Variants in HNMT observed in about 807,000 individuals in gnomAD.
HNMT encodes histamine N-methyltransferase.
In HNMT, 30 loss-of-function variants were observed where a neutral mutation model predicts 32.1. The ratio of observed to expected loss-of-function variants is 0.93; its 90% confidence interval spans 0.70 to 1.27. HNMT has a LOEUF of 1.27. HNMT is among the 50% of genes most tolerant of loss of function. The pLI is 0.00. For missense variants in HNMT, 327 were observed against 346.0 expected (o/e 0.95, Z 0.43); for synonymous variants, 125 against 119.0 (o/e 1.05, Z -0.33).
At position 137,980,441 on chromosome 2, in the gene HNMT, C is replaced by T. The variant is rs551836627; in HGVS notation, c.190+10224C>T. Among the ~76,000 whole-genome samples, 30 of 152,296 alleles carry T rather than the reference C, an allele frequency of 2.0e-4. No homozygotes were observed. The South Asian group carries it at 6.0e-3, about 31-fold the overall frequency. On this transcript the variant is annotated intron_variant, in intron 2 of 5. Coordinates refer to ENST00000280097, the MANE Select transcript of HNMT (RefSeq NM_006895.3). ...GCCTATAGATTCTCAGTGCCTAGCA[C>T]CGAGTATACTTCAGCTCTGAGGACA...
chr2:137,990,904 G>A (rs1680798192), intron 2 of HNMT, among the ~76,000 whole-genome samples: 1 of 151,778 alleles, frequency 6.6e-6, no homozygotes, highest in Non-Finnish European at 1.5e-5. Context: ...TGAAAATAAT[G>A]TCAGATCCCA....
At chr2:137,967,009 T>G in intron 1 of HNMT, 1 of 769,404 alleles carries the variant, frequency 1.3e-6, no homozygotes, top group Non-Finnish European at 2.4e-6. Flanking sequence ...CCCTTGGTTC[T>G]ATGTTAATCG....
chr2:138,010,434 GACACACGCACAC>G (rs1361642870), intron 5 of HNMT, among the ~76,000 whole-genome samples: 4 of 117,774 alleles, frequency 3.4e-5, no homozygotes, highest in East Asian at 2.4e-4. Flanking sequence ...CAATAAAAAA[GACACACGCACAC>G]ACACACACAC....
chr2:137,981,914 C>T (rs920299756), intron 2 of HNMT, among the ~76,000 whole-genome samples: 1 of 152,044 alleles, frequency 6.6e-6, no homozygotes, highest in African/African-American at 2.4e-5. Context: ...AGTGCAGTGC[C>T]GCGATCTAGG....
At chr2:137,970,754 A>G (rs981066231) in intron 2 of HNMT, among the ~76,000 whole-genome samples, 3 of 151,920 alleles carry the variant, frequency 2.0e-5, no homozygotes, top group African/African-American at 7.2e-5. Context: ...CCCTGTCTCT[A>G]TTAAAAATAC....
chr2:138,002,481 T>C (rs779561964), intron 4 of HNMT: 8 of 519,340 alleles, frequency 1.5e-5, no homozygotes, highest in Non-Finnish European at 2.0e-5. Context: ...GGAGTCTCGC[T>C]GTGTCATCCA....
chr2:137,988,829 T>C (rs12373834), intron 2 of HNMT: 76,352 of 152,126 alleles, frequency 0.5, 21,042 homozygotes, highest in East Asian at 0.63. Context: ...GAGCCGAGAT[T>C]GCACCACTGC....
At chr2:138,006,871 T>TA (rs3838491) in intron 5 of HNMT, among the ~76,000 whole-genome samples, 4 of 151,686 alleles carry the variant, frequency 2.6e-5, no homozygotes, top group Admixed American at 6.6e-5. Context: ...GCATTCATCA[T>TA]AAAAAAAATC....
chr2:138,003,253 A>G (rs1439328329), intron 4 of HNMT, among the ~76,000 whole-genome samples: 1 of 152,070 alleles, frequency 6.6e-6, no homozygotes, highest in African/African-American at 2.4e-5. Flanking sequence ...TAATAAAAGA[A>G]AGGGAGTGAC....
intron 2 of HNMT, among the ~76,000 whole-genome samples, chr2:137,970,931 AAAAAAGAAAGAAAGAAAG>A (rs1558950968): frequency 2.8e-5 from 2 of 70,792 alleles, no homozygotes; most frequent in African/African-American, 4.3e-5. Flanking sequence ...AAAAAAAAAA[AAAAAAGAAAGAAAGAAAG>A]AAAGAAAGAA....
chr2:138,010,760 A>G (rs1681478597), intron 5 of HNMT, among the ~76,000 whole-genome samples: 1 of 152,082 alleles, frequency 6.6e-6, no homozygotes, highest in Admixed American at 6.6e-5. Flanking sequence ...GGGATAAAAA[A>G]GAAGAGATAT....
At chr2:137,977,129 G>A (rs1436864720) in intron 2 of HNMT, among the ~76,000 whole-genome samples, 2 of 152,084 alleles carry the variant, frequency 1.3e-5, no homozygotes, top group African/African-American at 4.8e-5. Flanking sequence ...GCTTAAACAG[G>A]TAAAATAGAA....
rs1681151498 is a variant in HNMT at position 138,000,976 on chromosome 2, C to T, written c.249C>T (p.Ile83=). 6.2e-7 allele frequency: 1 copy of T among 1,609,330 alleles called. No homozygotes were observed. The highest frequency in any genetic ancestry group is 1.7e-5 in the Admixed American group (1 of 59,272). The part of the protein sequence containing the change: ...KVQAQYPGVC[I]NNEVVEPSAE... ...AGGCTCAATACCCAGGAGTTTGTATCAACAATGAAGTTGTTGAGCCAAGTG... is the reference window on the plus strand; with the variant it reads ...AGGCTCAATACCCAGGAGTTTGTATTAACAATGAAGTTGTTGAGCCAAGTG... The change falls in exon 3 of 6, where the codon ATC becomes ATT. Residue 83 remains isoleucine, a synonymous_variant. Transcript: ENST00000280097.
At position 138,014,873 on chromosome 2, in the gene HNMT, A is replaced by T. The variant is rs1201308472; in HGVS notation, c.*743A>T. ...ATAATATTATAGTTTTGCTTTTTTTAAAAAATGAAATCTTTACTATGTTTG... is the reference window on the plus strand; with the variant it reads ...ATAATATTATAGTTTTGCTTTTTTTTAAAAATGAAATCTTTACTATGTTTG... On this transcript the variant is annotated 3_prime_UTR_variant, in exon 6 of 6. Coordinates refer to ENST00000280097, the MANE Select transcript of HNMT (RefSeq NM_006895.3). The T allele has an allele frequency of 1.3e-5, 2 of 151,968 alleles. No individual in the cohort carries two copies. Among genetic ancestry groups the T allele is most frequent in the African/African-American group, 2.4e-5 (1 of 41,432 alleles). The allele number at this position is 151,968 out of a possible 1,614,324, so 9.4% of individuals were successfully genotyped here.
chr2:137,981,226 T>G, intron 2 of HNMT: 1 of 1,613,598 alleles, frequency 6.2e-7, no homozygotes, highest in Non-Finnish European at 8.5e-7. Context: ...ATTGTCTCAT[T>G]CGGGGAAGCT....
chr2:137,988,148 T>C (rs957856656), intron 2 of HNMT, among the ~76,000 whole-genome samples: 25 of 152,200 alleles, frequency 1.6e-4, no homozygotes, highest in Non-Finnish European at 1.9e-4. Context: ...CCAGGCCAGA[T>C]AGTCTATGTT....
At chr2:137,968,101 T>C (rs1680014246) in intron 1 of HNMT, among the ~76,000 whole-genome samples, 1 of 152,174 alleles carries the variant, frequency 6.6e-6, no homozygotes, top group Non-Finnish European at 1.5e-5. Flanking sequence ...ACTTTATCAC[T>C]GAGATGATTT....
chr2:137,980,361 A>G (rs904486714), intron 2 of HNMT, among the ~76,000 whole-genome samples: 4 of 152,114 alleles, frequency 2.6e-5, no homozygotes, highest in African/African-American at 9.7e-5. Flanking sequence ...TACCTGTGCA[A>G]ATATTTAAAG....
chr2:137,989,005 A>G (rs1368480103), intron 2 of HNMT, among the ~76,000 whole-genome samples: 1 of 152,238 alleles, frequency 6.6e-6, no homozygotes, highest in Admixed American at 6.5e-5. Context: ...GCTCTCAAGC[A>G]TGCATTGTCT....
Sources: gnomAD v4.1 joint callset for allele counts (sites outside exome capture counted in the v4.1 genomes callset) on GRCh38, gnomAD v4.1.1 for gene constraint, MANE v1.5 for transcripts, NCBI Gene and HGNC (gene_info 2026-07-23, HGNC 2026-07-21) for gene names.